GRIK2: variants seen among roughly 807,000 people sequenced by gnomAD.
The protein encoded by GRIK2 is glutamate receptor ionotropic, kainate 2.
GRIK2 carries 32 observed loss-of-function variants against 100.3 expected under a neutral mutation model. The ratio of observed to expected loss-of-function variants is 0.32; its 90% confidence interval spans 0.24 to 0.43. GRIK2 has a LOEUF of 0.43. GRIK2 is among the 20% of genes least tolerant of loss of function. The pLI is 1.00. For synonymous variants in GRIK2, 417 were observed against 389.4 expected, an observed-to-expected ratio of 1.07 and a Z score of -0.83; for missense variants, 843 against 1,114.9, an observed-to-expected ratio of 0.76 and a Z score of 3.47.
intron 4 of GRIK2, among the ~76,000 whole-genome samples, chr6:101,632,821 G>A (rs540631605): frequency 1.3e-5 from 2 of 152,050 alleles, no homozygotes; most frequent in Non-Finnish European, 2.9e-5. Context: ...AGTGCACAGA[G>A]AGGCAAGAAA....
At chr6:101,630,240 A>G (rs1780662258) in intron 4 of GRIK2, among the ~76,000 whole-genome samples, 1 of 152,110 alleles carries the variant, frequency 6.6e-6, no homozygotes, top group Non-Finnish European at 1.5e-5. Flanking sequence ...CAGTAATGGT[A>G]TTGCTGAGTC....
intron 11 of GRIK2, among the ~76,000 whole-genome samples, chr6:101,880,008 T>A (rs1401645053): frequency 2.6e-5 from 4 of 152,028 alleles, no homozygotes; most frequent in Admixed American, 2.6e-4. Flanking sequence ...ATATGGCTTA[T>A]TTTAAATAAC....
At chr6:101,809,675 A>C (rs1781210973) in intron 9 of GRIK2, among the ~76,000 whole-genome samples, 1 of 152,008 alleles carries the variant, frequency 6.6e-6, no homozygotes, top group Admixed American at 6.6e-5. Context: ...GGTGATGTTA[A>C]CTCGTAAACT....
At chr6:101,910,045 CTCTT>C (rs1233986450) in intron 12 of GRIK2, among the ~76,000 whole-genome samples, 1 of 150,844 alleles carries the variant, frequency 6.6e-6, no homozygotes, top group Non-Finnish European at 1.5e-5. Flanking sequence ...ATTATTAAAA[CTCTT>C]AGTATATGTA....
In GRIK2 at chr6:101,937,385, C is replaced by G. The variant is rs115435319; in HGVS notation, c.2085+8753C>G. ...GGGCCCCACAGGGAGTGAGAAAACT[C>G]AAAAGTCAGTTAATACAGTGATGTT... On this transcript the variant is annotated intron_variant, in intron 14 of 16. Transcript: ENST00000369134. Among the ~76,000 whole-genome samples, 856 of 152,050 alleles carry G rather than the reference C, an allele frequency of 5.6e-3. 10 individuals are homozygous for G. Among genetic ancestry groups the G allele is most frequent in the African/African-American group, 0.02 (816 of 41,454 alleles).
chr6:101,566,960 T>G (rs1278172290), intron 2 of GRIK2, among the ~76,000 whole-genome samples: 1 of 150,738 alleles, frequency 6.6e-6, no homozygotes, highest in African/African-American at 2.4e-5. Flanking sequence ...TAATAGACAT[T>G]TATATATGTA....
intron 2 of GRIK2, among the ~76,000 whole-genome samples, chr6:101,429,151 C>T (rs946630407): frequency 1.3e-5 from 2 of 152,136 alleles, no homozygotes; most frequent in African/African-American, 4.8e-5. Context: ...CTGAGAATGA[C>T]ACATATGAAC....
intron 2 of GRIK2, among the ~76,000 whole-genome samples, chr6:101,515,209 C>G (rs1010997520): frequency 6.6e-6 from 1 of 152,036 alleles, no homozygotes; most frequent in African/African-American, 2.4e-5. Flanking sequence ...TCATCCAGCT[C>G]ACTGTAAATG....
chr6:101,707,698 CAGTG>C (rs1199021469), intron 7 of GRIK2, among the ~76,000 whole-genome samples: 1 of 149,976 alleles, frequency 6.7e-6, no homozygotes, highest in African/African-American at 2.5e-5. Context: ...CACTCATACT[CAGTG>C]AGCTCTGGAA....
chr6:101,886,433 A>G (rs1302887040), intron 11 of GRIK2, among the ~76,000 whole-genome samples: 1 of 151,902 alleles, frequency 6.6e-6, no homozygotes, highest in East Asian at 1.9e-4. Flanking sequence ...AGTATTACAT[A>G]ATTTCTATTT....
At chr6:101,873,979 G>T (rs1785620057) in intron 11 of GRIK2, among the ~76,000 whole-genome samples, 1 of 152,060 alleles carries the variant, frequency 6.6e-6, no homozygotes, top group Non-Finnish European at 1.5e-5. Context: ...TGAGTTCATT[G>T]TAGATTCTGG....
Position 101,859,458 on chromosome 6 carries a change from CAATGG to C in GRIK2, c.1500_1504del (p.Met501SerfsTer2). Reference sequence around the variant, plus strand: ...TGGAGCCCAGGATGATGCCAATGGACAATGGAATGGAATGGTTCGTGAACTAATTG... The same window carrying C: ...TGGAGCCCAGGATGATGCCAATGGACAATGGAATGGTTCGTGAACTAATTG... On this transcript the variant is annotated frameshift_variant, in exon 11 of 17. Transcript: ENST00000369134. LOFTEE classifies it high-confidence loss of function. 2 of 1,607,516 alleles carry C rather than the reference CAATGG, an allele frequency of 1.2e-6. No homozygotes were observed. Among genetic ancestry groups the C allele is most frequent in the Non-Finnish European group, 1.7e-6 (2 of 1,174,744 alleles).
chr6:101,608,984 A>C (rs1779560097), intron 2 of GRIK2, among the ~76,000 whole-genome samples: 1 of 151,748 alleles, frequency 6.6e-6, no homozygotes, highest in African/African-American at 2.4e-5. Context: ...GTGTCACACC[A>C]CTGTATTTTT....
intron 1 of GRIK2, among the ~76,000 whole-genome samples, chr6:101,394,608 C>G (rs140406665): frequency 4.5e-4 from 68 of 152,294 alleles, no homozygotes; most frequent in African/African-American, 1.5e-3. Flanking sequence ...ATTCTGTCAT[C>G]AGAAATTATC....
chr6:101,845,991 AT>A (rs1783786453), intron 10 of GRIK2, among the ~76,000 whole-genome samples: 1 of 149,220 alleles, frequency 6.7e-6, no homozygotes, highest in Non-Finnish European at 1.5e-5. Flanking sequence ...CTCTGTGCCC[AT>A]TTTTAAACAG....
At chr6:101,751,627 T>C (rs1035986860) in intron 7 of GRIK2, among the ~76,000 whole-genome samples, 1 of 152,220 alleles carries the variant, frequency 6.6e-6, no homozygotes, top group Non-Finnish European at 1.5e-5. Context: ...ATTGGGTTTT[T>C]GGAATAGGGA....
At chr6:101,806,064 G>A (rs1284760559) in intron 9 of GRIK2, among the ~76,000 whole-genome samples, 6 of 151,962 alleles carry the variant, frequency 3.9e-5, no homozygotes, top group Admixed American at 2.6e-4. Flanking sequence ...AAAGATCACC[G>A]ATACTGTATA....
Position 101,859,374 on chromosome 6 carries a change from G to A in GRIK2, c.1405G>A (p.Glu469Lys). The A allele has an allele frequency of 1.9e-6, 3 of 1,601,964 alleles. No individual in the cohort carries two copies. Among genetic ancestry groups the A allele is most frequent in the Non-Finnish European group, 2.6e-6 (3 of 1,169,156 alleles). The part of the protein sequence containing the change: ...FEGYCIDLLR[E>K]LSTILGFTYE... ...AGGCTATTGCATTGATCTCCTCAGA[G>A]AGTTATCTACAATCCTTGGCTTTAC... is the stretch of plus-strand genomic sequence containing the variant. Residue 469 changes from glutamate (E) to lysine (K), a missense_variant, in exon 11 of 17, where the codon GAG becomes AAG. Glu to Lys is a moderately conservative substitution (Grantham distance 56). Transcript: ENST00000369134.
chr6:101,801,284 C>A (rs748944366), intron 8 of GRIK2, among the ~76,000 whole-genome samples: 1 of 151,908 alleles, frequency 6.6e-6, no homozygotes, highest in Non-Finnish European at 1.5e-5. Context: ...TCTTTGGAAG[C>A]CATTAGGCTA....
Sources: allele counts gnomAD v4.1 joint callset (sites outside exome capture counted in the v4.1 genomes callset), GRCh38; gene constraint gnomAD v4.1.1; transcripts MANE v1.5; gene names NCBI Gene and HGNC (gene_info 2026-07-23, HGNC 2026-07-21).